The following STPG4 variants were observed in gnomAD, a reference collection of about 807,000 sequenced individuals.
The protein encoded by STPG4 is protein STPG4.
A neutral mutation model predicts 31.5 loss-of-function variants in STPG4; 41 were observed. The ratio of observed to expected loss-of-function variants is 1.30; its 90% CI spans 1.01 to 1.69. The LOEUF (loss-of-function observed/expected upper bound fraction) is 1.69. STPG4 is among the 40% of genes most tolerant of loss of function. The pLI is 0.00. For missense variants in STPG4, 375 were observed against 293.4 expected (o/e 1.28, Z -2.03); for synonymous variants, 141 against 103.0 (o/e 1.37, Z -2.24).
chr2:47,116,597 G>A (rs759482837), intron 5 of STPG4, among the ~76,000 whole-genome samples: 1 of 152,210 alleles, frequency 6.6e-6, no homozygotes, highest in African/African-American at 2.4e-5. Context: ...AAGGACATAA[G>A]TGGGACACTG....
At position 47,149,978 on chromosome 2, in the gene STPG4, A is replaced by T. The variant is rs530865890; in HGVS notation, c.399+1280T>A. Among the ~76,000 whole-genome samples the T allele has an allele frequency of 3.3e-5, 5 of 152,262 alleles. No individual in the cohort carries two copies. The South Asian group carries it at 6.2e-4, about 19-fold the overall frequency. On this transcript the variant is annotated intron_variant, in intron 3 of 6. Coordinates refer to ENST00000445927, the MANE Select transcript of STPG4 (RefSeq NM_001163561.2). Reference sequence around the variant, plus strand: ...GGGCACATGGTAGACTGGAAAGAGGACTAAATTTTGGTGCAGAAGCCCTCA... The same window carrying T: ...GGGCACATGGTAGACTGGAAAGAGGTCTAAATTTTGGTGCAGAAGCCCTCA...
intron 5 of STPG4, among the ~76,000 whole-genome samples, chr2:47,102,301 G>A (rs987428091): frequency 1.3e-5 from 2 of 151,820 alleles, no homozygotes; most frequent in Non-Finnish European, 1.5e-5. Flanking sequence ...CTTTCAGATG[G>A]GAAACATTCA....
At position 47,140,989 on chromosome 2, in the gene STPG4, C is replaced by T. The variant is rs566688040; in HGVS notation, c.399+10269G>A. On this transcript the variant is annotated intron_variant, in intron 3 of 6. Coordinates refer to ENST00000445927, the MANE Select transcript of STPG4 (RefSeq NM_001163561.2). Reference sequence around the variant, plus strand: ...GCACCCTCCACCTTCCAGATTCAAGCGACTGTCCCGCCTTAGCCTCCCGAG... The same window carrying T: ...GCACCCTCCACCTTCCAGATTCAAGTGACTGTCCCGCCTTAGCCTCCCGAG... Among the ~76,000 whole-genome samples, 365 of 151,722 alleles carry T rather than the reference C, an allele frequency of 2.4e-3. 1 individual carries two copies. Among genetic ancestry groups the T allele is most frequent in the African/African-American group, 8.3e-3 (345 of 41,338 alleles).
chr2:47,111,845 A>G (rs1430008020), intron 5 of STPG4, among the ~76,000 whole-genome samples: 1 of 152,186 alleles, frequency 6.6e-6, no homozygotes, highest in Non-Finnish European at 1.5e-5. Flanking sequence ...TAAGTATACA[A>G]CTTTACATTG....
At chr2:47,102,002 A>T (rs2103740993) in intron 5 of STPG4, among the ~76,000 whole-genome samples, 1 of 151,984 alleles carries the variant, frequency 6.6e-6, no homozygotes, top group Non-Finnish European at 1.5e-5. Context: ...GTCTAGGAGG[A>T]CAGGCAAGGG....
At chr2:47,115,844 G>A (rs146090660) in intron 5 of STPG4, among the ~76,000 whole-genome samples, 2,103 of 152,172 alleles carry the variant, frequency 0.014, 56 homozygotes, top group African/African-American at 0.047. Context: ...ATTAGAGACA[G>A]GGTTTCACCG....
chr2:47,140,902 T>TA (rs1025647951), intron 3 of STPG4, among the ~76,000 whole-genome samples: 1 of 151,576 alleles, frequency 6.6e-6, no homozygotes, highest in African/African-American at 2.4e-5. Context: ...TACTTTTTTT[T>TA]TTTTCTTTTT....
intron 5 of STPG4, among the ~76,000 whole-genome samples, chr2:47,102,147 G>C (rs1685814519): frequency 7.1e-6 from 1 of 141,786 alleles, no homozygotes; most frequent in Admixed American, 6.9e-5. Context: ...CAGGGTCCGG[G>C]GACCGTTGCA....
At chr2:47,087,335 T>C (rs747296602) in intron 6 of STPG4, among the ~76,000 whole-genome samples, 12 of 152,240 alleles carry the variant, frequency 7.9e-5, no homozygotes, top group Non-Finnish European at 1.5e-4. Flanking sequence ...GGGCTCATCA[T>C]GAGGCTGGAG....
chr2:47,108,526 G>C (rs1685971141), intron 5 of STPG4: 1 of 171,112 alleles, frequency 5.8e-6, no homozygotes, highest in East Asian at 1.7e-4. Flanking sequence ...CACTGCGAGT[G>C]TCCACGGCTT....
At chr2:47,093,027 A>G (rs1685602697) in intron 5 of STPG4, among the ~76,000 whole-genome samples, 1 of 152,134 alleles carries the variant, frequency 6.6e-6, no homozygotes, top group African/African-American at 2.4e-5. Context: ...TCCTGACCTC[A>G]TGATCTGCCC....
chr2:47,139,164 G>A (rs1686656525), intron 3 of STPG4, among the ~76,000 whole-genome samples: 1 of 152,196 alleles, frequency 6.6e-6, no homozygotes, highest in Admixed American at 6.5e-5. Context: ...TCTGCCTGCT[G>A]TATTTGTCCA....
chr2:47,100,888 G>A (rs184324047), intron 5 of STPG4, among the ~76,000 whole-genome samples: 28 of 151,656 alleles, frequency 1.8e-4, no homozygotes, highest in Middle Eastern at 3.4e-3. Context: ...AACTCCAGAC[G>A]CGCCACCTTA....
rs113559351 is a variant in STPG4, at chr2:47,100,071, T to C, written c.520-9697A>G. Among the ~76,000 whole-genome samples, 100 of 152,058 alleles carry C rather than the reference T, an allele frequency of 6.6e-4. 1 individual carries two copies. Among genetic ancestry groups the C allele is most frequent in the African/African-American group, 2.3e-3 (97 of 41,384 alleles). Reference sequence around the variant, plus strand: ...CTCCCTGATGAGTGCCGCCCCCTGCTCCAAGGTGCCCAGTCCCATCGACCA... The same window carrying C: ...CTCCCTGATGAGTGCCGCCCCCTGCCCCAAGGTGCCCAGTCCCATCGACCA... On this transcript the variant is annotated intron_variant, in intron 5 of 6. Coordinates refer to ENST00000445927, the MANE Select transcript of STPG4 (RefSeq NM_001163561.2).
At chr2:47,091,122 G>A (rs1241184055) in intron 5 of STPG4, among the ~76,000 whole-genome samples, 1 of 144,178 alleles carries the variant, frequency 6.9e-6, no homozygotes, top group African/African-American at 2.5e-5. Context: ...AAGAAAGGGA[G>A]GGAGAAAAGG....
At chr2:47,139,747 T>A (rs1269626608) in intron 3 of STPG4, among the ~76,000 whole-genome samples, 1 of 151,546 alleles carries the variant, frequency 6.6e-6, no homozygotes, top group African/African-American at 2.4e-5. Context: ...GCTCTGACAA[T>A]TTTGATTAAC....
At position 47,151,406 on chromosome 2, in the gene STPG4, G is replaced by A; in HGVS notation, c.251C>T (p.Pro84Leu). The A allele has an allele frequency of 6.2e-7, 1 of 1,614,166 alleles. No individual in the cohort carries two copies. The highest frequency in any genetic ancestry group is 8.5e-7 in the Non-Finnish European group (1 of 1,180,030). The change falls in exon 3 of 7, where the codon CCT becomes CTT. Residue 84 changes from proline (P) to leucine (L), a missense_variant. Physicochemically the swap from Pro to Leu is moderately conservative, Grantham distance 98 (BLOSUM62 -3). Coordinates refer to ENST00000445927, the MANE Select transcript of STPG4 (RefSeq NM_001163561.2). ...GACTGGATTGTTTCTTTGCACAAGAGGTGGCTTTTTCCTTCCTTCGTTTTT... is the reference window on the plus strand; with the variant it reads ...GACTGGATTGTTTCTTTGCACAAGAAGTGGCTTTTTCCTTCCTTCGTTTTT... ...NFKNEGRKKP[P>L]LVQRNNPVLN...
At chr2:47,095,976 G>A (rs564297803) in intron 5 of STPG4, among the ~76,000 whole-genome samples, 1 of 152,304 alleles carries the variant, frequency 6.6e-6, no homozygotes, top group Admixed American at 6.5e-5. Flanking sequence ...CAGCAGAACA[G>A]CCCATAGGAG....
At chr2:47,117,019 T>A (rs565854269) in intron 5 of STPG4, among the ~76,000 whole-genome samples, 55 of 152,180 alleles carry the variant, frequency 3.6e-4, no homozygotes, top group Non-Finnish European at 6.0e-4. Context: ...TTGGTTTATT[T>A]GATTTTTGCT....
Sources: allele counts gnomAD v4.1 joint callset (sites outside exome capture counted in the v4.1 genomes callset), GRCh38; gene constraint gnomAD v4.1.1; transcripts MANE v1.5; gene names NCBI Gene and HGNC (gene_info 2026-07-23, HGNC 2026-07-21).